UNC5A: variants seen among roughly 807,000 people sequenced by gnomAD.
UNC5A encodes the protein netrin receptor UNC5A.
A neutral mutation model predicts 87.4 loss-of-function variants in UNC5A; 20 were observed. The ratio of observed to expected loss-of-function variants is 0.23; its 90% CI spans 0.16 to 0.33. UNC5A has a LOEUF of 0.33. UNC5A is among the 10% of genes least tolerant of loss of function. The probability of loss-of-function intolerance (pLI) is 1.00; values close to 1 mark genes in which losing one functional copy is unlikely to be tolerated. For synonymous variants in UNC5A, 438 were observed against 482.3 expected (o/e 0.91, Z 1.20); for missense variants, 844 against 1,133.4 (o/e 0.74, Z 3.67).
chr5:176,878,139 C>T lies in UNC5A; in HGVS notation c.1869+12C>T, dbSNP rs1018605824. 1 of 1,605,262 alleles carries T rather than the reference C, an allele frequency of 6.2e-7. No individual in the cohort carries two copies. The highest frequency in any genetic ancestry group is 8.5e-7 in the Non-Finnish European group (1 of 1,178,276). On this transcript the variant is annotated intron_variant, in intron 11 of 14. Coordinates refer to ENST00000329542, the MANE Select transcript of UNC5A (RefSeq NM_133369.3). Reference sequence around the variant, plus strand: ...ACGATGCACTCAAGGTATCTCCCGCCCCTCACCCCCCGCCGCTGGGAGGCC... The same window carrying T: ...ACGATGCACTCAAGGTATCTCCCGCTCCTCACCCCCCGCCGCTGGGAGGCC...
At position 176,878,298 on chromosome 5, in the gene UNC5A, G is replaced by A. The variant is rs761274221; in HGVS notation, c.1924G>A (p.Val642Ile). Reference sequence around the variant, plus strand: ...GGGACAGCTGATCCAGGAGCCACGGGTCCTGCACTTCAAGGACAGTTACCA... The same window carrying A: ...GGGACAGCTGATCCAGGAGCCACGGATCCTGCACTTCAAGGACAGTTACCA... The part of the protein sequence containing the change: ...LGGQLIQEPR[V>I]LHFKDSYHNL... The change falls in exon 12 of 15, where the codon GTC becomes ATC. Residue 642 changes from valine to isoleucine, a missense_variant. Val to Ile is a conservative substitution (Grantham distance 29). Around this residue, in one of 3 missense-constraint regions of UNC5A, gnomAD observed 177 missense variants for 279.4 expected, o/e 0.63. Coordinates refer to ENST00000329542, the MANE Select transcript of UNC5A (RefSeq NM_133369.3). The A allele has an allele frequency of 6.2e-7, 1 of 1,613,252 alleles. No individual in the cohort carries two copies. The highest frequency in any genetic ancestry group is 1.7e-5 in the Admixed American group (1 of 60,024).
At position 176,878,521 on chromosome 5, in the gene UNC5A, A is replaced by G; in HGVS notation, c.2066A>G (p.His689Arg). ...TGGAATGGCACGCAGCGGTACTTGC[A>G]CTGCACCTTCACCCTGGAGCGTGTC... ...HIWNGTQRYL[H>R]CTFTLERVSP... The change falls in exon 13 of 15, where the codon CAC becomes CGC. Residue 689 changes from histidine (H) to arginine (R), a missense_variant. Transcript: ENST00000329542. 1.9e-6 allele frequency: 3 copies of G among 1,613,222 alleles called. No individual in the cohort carries two copies. The highest frequency in any genetic ancestry group is 2.5e-6 in the Non-Finnish European group (3 of 1,179,978).
intron 1 of UNC5A, among the ~76,000 whole-genome samples, chr5:176,827,179 CT>C (rs35306601): frequency 0.086 from 9,275 of 107,348 alleles, 367 homozygotes; most frequent in African/African-American, 0.25. Flanking sequence ...TGCTTCATTC[CT>C]TTTTTTTTTT....
intron 1 of UNC5A, among the ~76,000 whole-genome samples, chr5:176,831,031 G>A (rs1028173695): frequency 2.6e-5 from 4 of 151,782 alleles, no homozygotes; most frequent in African/African-American, 7.3e-5. Context: ...CTGCAGCCTC[G>A]CTCTGTGGTG....
In UNC5A at chr5:176,879,328, C is replaced by G. The variant is rs1281596332; in HGVS notation, c.2203C>G (p.Leu735Val). 3 of 1,605,998 alleles carry G rather than the reference C, an allele frequency of 1.9e-6. No individual in the cohort carries two copies. Among genetic ancestry groups the G allele is most frequent in the African/African-American group, 2.7e-5 (2 of 74,590 alleles). ...CCTCCAGGACACAAGGTTTGCTGAGCTGCTGGCTCTGGAGAGTGAAGCGGG... is the reference window on the plus strand; with the variant it reads ...CCTCCAGGACACAAGGTTTGCTGAGGTGCTGGCTCTGGAGAGTGAAGCGGG... ...NITKDTRFAELLALESEAGVP... is the reference protein window; with the variant it reads ...NITKDTRFAEVLALESEAGVP... Residue 735 changes from leucine (L) to valine (V), a missense_variant, in exon 14 of 15, where the codon CTG (leucine) becomes GTG (valine). Leu to Val is a conservative substitution (Grantham distance 32). This residue lies in a region of UNC5A where 177 missense variants were observed against 279.4 expected (regional missense o/e 0.63). Coordinates refer to ENST00000329542, the MANE Select transcript of UNC5A (RefSeq NM_133369.3).
chr5:176,862,997 G>T, intron 2 of UNC5A, 152 bp downstream of exon 2: 1 of 798,990 alleles, frequency 1.3e-6, no homozygotes, highest in Non-Finnish European at 2.0e-6. Flanking sequence ...GGGAGAAGGA[G>T]GGGGAGAGAG....
intron 1 of UNC5A, among the ~76,000 whole-genome samples, chr5:176,831,656 T>C (rs557829074): frequency 6.6e-6 from 1 of 152,230 alleles, no homozygotes; most frequent in South Asian, 2.1e-4. Context: ...GGCTTCCCCA[T>C]AAGCACAGTG....
intron 1 of UNC5A, among the ~76,000 whole-genome samples, chr5:176,842,657 G>A (rs899501962): frequency 1.3e-5 from 2 of 152,146 alleles, no homozygotes; most frequent in African/African-American, 4.8e-5. Context: ...TAAGCTATGA[G>A]GACGCAAAGG....
At chr5:176,859,520 T>G (rs1261948684) in intron 1 of UNC5A, among the ~76,000 whole-genome samples, 3 of 96,852 alleles carry the variant, frequency 3.1e-5, no homozygotes, top group Admixed American at 1.1e-4. Flanking sequence ...GCATAGCTGC[T>G]AGAATGTCCT....
intron 1 of UNC5A, among the ~76,000 whole-genome samples, chr5:176,823,478 C>T (rs1164491941): frequency 2.6e-5 from 4 of 152,208 alleles, no homozygotes; most frequent in South Asian, 2.1e-4. Context: ...CCAGGAGAGA[C>T]GTCCAACAGG....
At chr5:176,857,038 G>T (rs565110770) in intron 1 of UNC5A, among the ~76,000 whole-genome samples, 11 of 152,330 alleles carry the variant, frequency 7.2e-5, no homozygotes, top group African/African-American at 2.6e-4. Flanking sequence ...ACACTCTGTA[G>T]CCTGGCCTTG....
At position 176,841,345 on chromosome 5, in the gene UNC5A, A is replaced by T. The variant is rs1203434462; in HGVS notation, c.71-21279A>T. Among the ~76,000 whole-genome samples, 2 of 152,166 alleles carry T rather than the reference A, an allele frequency of 1.3e-5. No homozygotes were observed. Among genetic ancestry groups the T allele is most frequent in the African/African-American group, 4.8e-5 (2 of 41,442 alleles). On this transcript the variant is annotated intron_variant, in intron 1 of 14. Transcript: ENST00000329542. This position sits in a 1 kb window ranked among gnomAD's most constrained non-coding sequence, Gnocchi z 4.1. ...ACTCAGCTCCCAGCTTCCAGATCAG[A>T]GCTGTGCCCACCACCCCAGAGCTGC...
At chr5:176,825,739 G>A (rs1756835578) in intron 1 of UNC5A, among the ~76,000 whole-genome samples, 1 of 152,202 alleles carries the variant, frequency 6.6e-6, no homozygotes, top group East Asian at 1.9e-4. Context: ...CCAGCTCCAT[G>A]GCAGCAAAAT....
intron 2 of UNC5A, among the ~76,000 whole-genome samples, chr5:176,863,816 C>CCCT: frequency 1.9e-5 from 1 of 52,480 alleles, no homozygotes; most frequent in Non-Finnish European, 4.8e-5. Flanking sequence ...CCCCTCCTCC[C>CCCT]CCTCCTCCTC....
At chr5:176,872,888 TG>T (rs2149368614) in intron 6 of UNC5A, among the ~76,000 whole-genome samples, 1 of 57,094 alleles carries the variant, frequency 1.8e-5, no homozygotes, top group South Asian at 6.5e-4. Context: ...TGCCCACACC[TG>T]CCCCAACACC....
In UNC5A at chr5:176,879,391, C is replaced by T. The variant is rs1048535496; in HGVS notation, c.2266C>T (p.Pro756Ser). 2 of 1,612,892 alleles carry T rather than the reference C, an allele frequency of 1.2e-6. No individual in the cohort carries two copies. Reference protein sequence around the residue: ...ALVGPSAFKIPFLIRQKIISS... With the variant: ...ALVGPSAFKISFLIRQKIISS... ...GGTGGGCCCCAGTGCCTTCAAGATC[C>T]CCTTCCTCATTCGGCAGAAGATAAT... The change falls in exon 14 of 15, where the codon CCC becomes TCC. Residue 756 changes from proline (P) to serine (S), a missense_variant. This residue lies in a region of UNC5A where 177 missense variants were observed against 279.4 expected (regional missense o/e 0.63). Transcript: ENST00000329542.
At chr5:176,821,216 C>T (rs1357386495) in intron 1 of UNC5A, among the ~76,000 whole-genome samples, 2 of 152,212 alleles carry the variant, frequency 1.3e-5, no homozygotes, top group Non-Finnish European at 2.9e-5. Context: ...TGCTTCCGAG[C>T]GTGGTTCCTC....
Position 176,877,973 on chromosome 5 carries a change from C to T in UNC5A, c.1715C>T (p.Thr572Ile). ...QLEASACYVF[T>I]EQLGRFALVG... ...GAGGCCAGTGCCTGCTACGTCTTCA[C>T]CGAGCAGCTGGGCCGCTTTGCCCTG... The change falls in exon 11 of 15, where the codon ACC (threonine) becomes ATC (isoleucine). Residue 572 changes from threonine (T) to isoleucine (I), a missense_variant. This residue lies in a region of UNC5A where 353 missense variants were observed against 387.5 expected (regional missense o/e 0.91). Coordinates refer to ENST00000329542, the MANE Select transcript of UNC5A (RefSeq NM_133369.3). The T allele has an allele frequency of 6.2e-7, 1 of 1,605,106 alleles. No homozygotes were observed.
At position 176,829,118 on chromosome 5, in the gene UNC5A, C is replaced by T. The variant is rs184877184; in HGVS notation, c.70+18298C>T. 3.2e-4 allele frequency among the ~76,000 whole-genome samples: 41 copies of T among 128,098 alleles called. 1 individual carries two copies. Among genetic ancestry groups the T allele is most frequent in the Middle Eastern group, 8.1e-3 (2 of 246 alleles). 84.0% of individuals were successfully genotyped at this position (128,098 alleles called of 152,430 possible). ...CTGCACTCCAGCCTGGGCAACAGAG[C>T]GAGACTCCATCTCAAAAAAAAAAAA... is the stretch of plus-strand genomic sequence containing the variant. On this transcript the variant is annotated intron_variant, in intron 1 of 14. Transcript: ENST00000329542.
Sources: gnomAD v4.1 joint callset for allele counts (sites outside exome capture counted in the v4.1 genomes callset) on GRCh38, gnomAD v4.1.1 for gene constraint, gnomAD v4.1.1 regional missense constraint, Gnocchi (gnomAD v3.1) non-coding constraint, MANE v1.5 for transcripts, NCBI Gene and HGNC (gene_info 2026-07-23, HGNC 2026-07-21) for gene names.